The following TMTC2 variants were observed in gnomAD, a reference collection of about 807,000 sequenced individuals.
TMTC2 encodes the protein protein O-mannosyl-transferase TMTC2.
A neutral mutation model predicts 82.4 loss-of-function variants in TMTC2; 43 were observed. The ratio of observed to expected loss-of-function variants is 0.52; its 90% CI spans 0.41 to 0.67. The LOEUF (loss-of-function observed/expected upper bound fraction) is 0.67, where lower values mean the gene tolerates loss of function less well. Among genes scored for constraint, TMTC2 ranks in the 30% least tolerant of loss-of-function variants. TMTC2 has a pLI of 0.00. For missense variants in TMTC2, 919 were observed against 1,012.4 expected, an observed-to-expected ratio of 0.91 and a Z score of 1.25; for synonymous variants, 408 against 381.9, an observed-to-expected ratio of 1.07 and a Z score of -0.80.
chr12:82,881,699 A>G (rs1486871230), intron 2 of TMTC2, among the ~76,000 whole-genome samples: 1 of 152,254 alleles, frequency 6.6e-6, no homozygotes, highest in East Asian at 1.9e-4. Flanking sequence ...TTATTACTGT[A>G]AAGTTAGTAT....
At chr12:82,892,481 C>T (rs760071998) in intron 2 of TMTC2, among the ~76,000 whole-genome samples, 29 of 151,800 alleles carry the variant, frequency 1.9e-4, no homozygotes, top group South Asian at 2.1e-4. Flanking sequence ...ATTAGAGATA[C>T]GTCTATGAAA....
chr12:82,692,206 A>T (rs1392907775), intron 1 of TMTC2, among the ~76,000 whole-genome samples: 1 of 152,186 alleles, frequency 6.6e-6, no homozygotes, highest in Non-Finnish European at 1.5e-5. Flanking sequence ...AGTTGTTTTC[A>T]TACACACATA....
intron 1 of TMTC2, among the ~76,000 whole-genome samples, chr12:82,794,133 A>G (rs959513968): frequency 3.3e-5 from 5 of 152,114 alleles, no homozygotes; most frequent in African/African-American, 1.2e-4. Context: ...GGCACATGTG[A>G]CTTGGTCCCG....
At chr12:82,907,267 G>T (rs900703730) in intron 3 of TMTC2, among the ~76,000 whole-genome samples, 1 of 151,804 alleles carries the variant, frequency 6.6e-6, no homozygotes, top group African/African-American at 2.4e-5. Context: ...TTCGAGACCA[G>T]CCTGGCTAGC....
At chr12:82,747,886 T>G (rs1182106433) in intron 1 of TMTC2, among the ~76,000 whole-genome samples, 4 of 152,192 alleles carry the variant, frequency 2.6e-5, no homozygotes, top group Non-Finnish European at 5.9e-5. Flanking sequence ...AATAATATAA[T>G]AAACACCAGT....
intron 6 of TMTC2, chr12:82,965,968 C>A (rs1390696054): frequency 3.6e-6 from 2 of 551,356 alleles, no homozygotes; most frequent in African/African-American, 1.9e-5. Context: ...TAATAGATTT[C>A]TTTCCTGTGA....
At chr12:83,108,495 T>C (rs1248669440) in intron 11 of TMTC2, among the ~76,000 whole-genome samples, 1 of 152,094 alleles carries the variant, frequency 6.6e-6, no homozygotes, top group Non-Finnish European at 1.5e-5. Flanking sequence ...TTGGGCGTGG[T>C]GGCACACGCC....
chr12:82,875,940 A>C (rs559785071), intron 2 of TMTC2, among the ~76,000 whole-genome samples: 6 of 150,946 alleles, frequency 4.0e-5, no homozygotes, highest in African/African-American at 1.5e-4. Flanking sequence ...CTGAGCAGTA[A>C]ATGTTGTAGC....
At chr12:83,085,371 A>G (rs985174808) in intron 11 of TMTC2, among the ~76,000 whole-genome samples, 3 of 152,348 alleles carry the variant, frequency 2.0e-5, no homozygotes, top group Non-Finnish European at 4.4e-5. Context: ...GAGAACGGGC[A>G]TAGTTTTTTA....
intron 1 of TMTC2, among the ~76,000 whole-genome samples, chr12:82,811,049 G>A (rs1868366422): frequency 6.6e-6 from 1 of 152,066 alleles, no homozygotes; most frequent in South Asian, 2.1e-4. Flanking sequence ...GGCTAACACA[G>A]TGAAATCCCA....
chr12:82,949,158 C>T (rs1272039447), intron 4 of TMTC2, among the ~76,000 whole-genome samples: 1 of 152,214 alleles, frequency 6.6e-6, no homozygotes, highest in African/African-American at 2.4e-5. Context: ...GTTACACACT[C>T]TCCAACTGAT....
chr12:83,061,346 T>C (rs1187008501), intron 10 of TMTC2, among the ~76,000 whole-genome samples: 1 of 151,780 alleles, frequency 6.6e-6, no homozygotes, highest in Non-Finnish European at 1.5e-5. Flanking sequence ...AGATGTGGAA[T>C]TTTGAAAGTC....
In TMTC2 at chr12:82,742,024, G is replaced by C. The variant is rs77727411; in HGVS notation, c.83+54355G>C. ...TCCCAGTCATCATGTATATGTTTCAGCGTGAATGTCCCCTACTGGAGCCCA... is the reference window on the plus strand; with the variant it reads ...TCCCAGTCATCATGTATATGTTTCACCGTGAATGTCCCCTACTGGAGCCCA... On this transcript the variant is annotated intron_variant, in intron 1 of 11. Coordinates refer to ENST00000321196, the MANE Select transcript of TMTC2 (RefSeq NM_152588.3). 6.1e-3 allele frequency among the ~76,000 whole-genome samples: 923 copies of C among 152,194 alleles called. 4 individuals are homozygous for C. Among genetic ancestry groups the C allele is most frequent in the Non-Finnish European group, 9.6e-3 (656 of 68,012 alleles).
intron 1 of TMTC2, among the ~76,000 whole-genome samples, chr12:82,763,787 TG>T (rs1876786739): frequency 6.6e-6 from 1 of 152,262 alleles, no homozygotes; most frequent in Non-Finnish European, 1.5e-5. Flanking sequence ...CAAGCTAATA[TG>T]GTTACATAGA....
At chr12:82,728,742 G>A (rs1242505952) in intron 1 of TMTC2, among the ~76,000 whole-genome samples, 1 of 152,252 alleles carries the variant, frequency 6.6e-6, no homozygotes, top group Non-Finnish European at 1.5e-5. Context: ...GCCGGAGCCA[G>A]CTTCCTCAGC....
At chr12:82,905,807 T>C (rs1301792657) in intron 3 of TMTC2, among the ~76,000 whole-genome samples, 1 of 151,970 alleles carries the variant, frequency 6.6e-6, no homozygotes, top group Non-Finnish European at 1.5e-5. Context: ...TAGCCGGGCA[T>C]GGTGGCGGGC....
chr12:82,707,545 C>T (rs1873421020), intron 1 of TMTC2, among the ~76,000 whole-genome samples: 1 of 152,234 alleles, frequency 6.6e-6, no homozygotes, highest in African/African-American at 2.4e-5. Flanking sequence ...TGGTGATCTT[C>T]ATGACCATTG....
At chr12:82,722,650 G>A (rs1272290750) in intron 1 of TMTC2, among the ~76,000 whole-genome samples, 2 of 151,816 alleles carry the variant, frequency 1.3e-5, no homozygotes, top group Admixed American at 1.3e-4. Context: ...GCTGAGAAAG[G>A]AGAATCACTT....
chr12:82,954,812 CAAAG>C (rs1877529930), intron 4 of TMTC2, among the ~76,000 whole-genome samples: 1 of 152,126 alleles, frequency 6.6e-6, no homozygotes, highest in Non-Finnish European at 1.5e-5. Flanking sequence ...AGTCTTACTA[CAAAG>C]AGACACTGAC....
Sources: allele counts gnomAD v4.1 joint callset (sites outside exome capture counted in the v4.1 genomes callset), GRCh38; gene constraint gnomAD v4.1.1; transcripts MANE v1.5; gene names NCBI Gene and HGNC (gene_info 2026-07-23, HGNC 2026-07-21).